The following DCDC2B variants were observed in gnomAD, a reference collection of about 807,000 sequenced individuals.
DCDC2B encodes doublecortin domain containing 2B.
Under a neutral mutation model 38.9 loss-of-function variants are expected in DCDC2B, and 41 were observed. The observed-to-expected ratio is 1.05, with a 90% CI of 0.82 to 1.37. The LOEUF is 1.37. DCDC2B is among the 40% of genes most tolerant of loss of function. The probability of loss-of-function intolerance (pLI) is 0.00; values close to 1 mark genes in which losing one functional copy is unlikely to be tolerated. For synonymous variants in DCDC2B, 181 were observed against 171.9 expected (o/e 1.05, Z -0.41); for missense variants, 453 against 427.2 (o/e 1.06, Z -0.53).
chr1:32,211,908 T>G, intron 3 of DCDC2B, 71 bp downstream of exon 3: 1 of 1,554,426 alleles, frequency 6.4e-7, no homozygotes, highest in Non-Finnish European at 8.7e-7. Flanking sequence ...GGTGTTGGGT[T>G]TGTTCTAGGA....
intron 1 of DCDC2B, 147 bp downstream of exon 1, chr1:32,209,506 G>A: frequency 8.7e-7 from 1 of 1,149,216 alleles, no homozygotes; most frequent in Non-Finnish European, 1.2e-6. Flanking sequence ...ATTAGAAAGG[G>A]AAAACAGACA....
At chr1:32,214,196 C>T (rs2124211867) in intron 6 of DCDC2B, among the ~76,000 whole-genome samples, 1 of 151,214 alleles carries the variant, frequency 6.6e-6, no homozygotes. Flanking sequence ...CTTGTAGTCC[C>T]AGCTACTTGG....
chr1:32,214,767 C>T, intron 6 of DCDC2B, 30 bp from the exon 7 acceptor site: 1 of 1,612,616 alleles, frequency 6.2e-7, no homozygotes, highest in African/African-American at 1.3e-5. Flanking sequence ...GGCCAGCAAT[C>T]AGGGTCCAAG....
At chr1:32,214,725 A>G (rs1052673290) in intron 6 of DCDC2B, 72 bp from the exon 7 acceptor site, 2 of 1,590,980 alleles carry the variant, frequency 1.3e-6, no homozygotes, top group Non-Finnish European at 1.7e-6. Context: ...GGCTCTCTGA[A>G]GCCTGAACTG....
At chr1:32,209,576 G>A (rs997011266) in intron 1 of DCDC2B, among the ~76,000 whole-genome samples, 2 of 152,114 alleles carry the variant, frequency 1.3e-5, no homozygotes, top group African/African-American at 4.8e-5. Context: ...AGAATTCTGT[G>A]TGTTACTAAT....
rs925050673 is a variant in DCDC2B at position 32,215,046 on chromosome 1, G to A, written c.850+114G>A. 19 of 1,404,136 alleles carry A rather than the reference G, an allele frequency of 1.4e-5. No individual in the cohort carries two copies. The East Asian group carries it at 1.4e-4, about 11-fold the overall frequency. The allele number at this position is 1,404,136 out of a possible 1,614,324, so 87.0% of individuals were successfully genotyped here. On this transcript the variant is annotated intron_variant, in intron 7 of 8. Transcript: ENST00000409358. ...GAGCAGAATGCTCAGACACAAAGCC[G>A]GCACTGGAAAAAAAAAAAAAAGATA... is the stretch of plus-strand genomic sequence containing the variant.
At chr1:32,215,159 C>A in intron 7 of DCDC2B, 1 of 638,322 alleles carries the variant, frequency 1.6e-6, no homozygotes, top group Non-Finnish European at 2.6e-6. Context: ...TCTCCAGCTG[C>A]CCCCGTCTGT....
Position 32,209,138 on chromosome 1 carries a change from G to C in DCDC2B, c.45G>C (p.Arg15=). 1.2e-6 allele frequency: 2 copies of C among 1,613,928 alleles called. No homozygotes were observed. Among genetic ancestry groups the C allele is most frequent in the Non-Finnish European group, 1.7e-6 (2 of 1,179,848 alleles). ...SPAAKRVVVY[R]NGDPFFPGSQ... Reference sequence around the variant, plus strand: ...CAGCCAAGAGGGTAGTGGTGTACCGGAATGGGGACCCATTCTTCCCAGGCT... The same window carrying C: ...CAGCCAAGAGGGTAGTGGTGTACCGCAATGGGGACCCATTCTTCCCAGGCT... Residue 15 remains arginine, a synonymous_variant, in exon 1 of 9, where the codon CGG becomes CGC. Coordinates refer to ENST00000409358, the MANE Select transcript of DCDC2B (RefSeq NM_001099434.2).
At chr1:32,213,186 G>A (rs1407631380) in intron 6 of DCDC2B, among the ~76,000 whole-genome samples, 1 of 150,606 alleles carries the variant, frequency 6.6e-6, no homozygotes, top group Non-Finnish European at 1.5e-5. Context: ...GTGAGCCACC[G>A]TGCCCGGCCT....
chr1:32,214,630 C>A, intron 6 of DCDC2B, 167 bp from the exon 7 acceptor site: 1 of 925,822 alleles, frequency 1.1e-6, no homozygotes, highest in Non-Finnish European at 1.6e-6. Flanking sequence ...ATAAGTCAGG[C>A]TGGTGGGAAG....
chr1:32,214,987 G>C (rs1638258760), intron 7 of DCDC2B, 55 bp downstream of exon 7: 1 of 1,606,694 alleles, frequency 6.2e-7, no homozygotes, highest in African/African-American at 1.3e-5. Context: ...CAGTGACATA[G>C]GTTGGTCCCT....
chr1:32,209,264 C>T lies in DCDC2B; in HGVS notation c.171C>T (p.Tyr57=), dbSNP rs1173426353. Residue 57 remains tyrosine, a synonymous_variant, in exon 1 of 9, where the codon TAC becomes TAT. Coordinates refer to ENST00000409358, the MANE Select transcript of DCDC2B (RefSeq NM_001099434.2). ...VQAPLAVRAL[Y]TPCHGHPVTN... The stretch of plus-strand genomic sequence containing the variant: ...CCCCACTGGCTGTGCGTGCCCTCTA[C>T]ACACCTTGTCATGGCCACCCTGTCA... 49 of 1,613,914 alleles carry T rather than the reference C, an allele frequency of 3.0e-5. No individual in the cohort carries two copies. Among genetic ancestry groups the T allele is most frequent in the Non-Finnish European group, 4.1e-5 (48 of 1,179,902 alleles).
chr1:32,216,136 A>G lies in DCDC2B; in HGVS notation c.*239A>G. ...CTTATGGGATTCTCTGGCCAGAGAA[A>G]GGAGTAGCTGACTAAGCCTGGGAGA... is the stretch of plus-strand genomic sequence containing the variant. On this transcript the variant is annotated 3_prime_UTR_variant, in exon 9 of 9. Transcript: ENST00000409358. The G allele has an allele frequency of 1.5e-6, 1 of 680,214 alleles. No individual in the cohort carries two copies. Among genetic ancestry groups the G allele is most frequent in the Non-Finnish European group, 2.4e-6 (1 of 410,910 alleles). The allele number at this position is 680,214 out of a possible 1,614,324, so 42.1% of individuals were successfully genotyped here. A position where few individuals can be genotyped will look rare whatever the true frequency, so the allele number is the denominator to read the frequency against.
Position 32,211,458 on chromosome 1 carries a change from A to G in DCDC2B, c.318+135A>G, listed in dbSNP as rs543709032. The G allele has an allele frequency of 1.1e-3, 1,000 of 888,686 alleles. 12 individuals are homozygous for G. Among genetic ancestry groups the G allele is most frequent in the Admixed American group, 2.0e-4 (8 of 40,322 alleles). 55.1% of individuals were successfully genotyped at this position (888,686 alleles called of 1,614,324 possible). A position where few individuals can be genotyped will look rare whatever the true frequency, so the allele number is the denominator to read the frequency against. ...GGGGGGTACTTTGGAGCCAGCTACTATCTTTCCTGGGGCGTGGGATTTCAA... is the reference window on the plus strand; with the variant it reads ...GGGGGGTACTTTGGAGCCAGCTACTGTCTTTCCTGGGGCGTGGGATTTCAA... On this transcript the variant is annotated intron_variant, in intron 2 of 8. Transcript: ENST00000409358.
intron 8 of DCDC2B, 81 bp downstream of exon 8, chr1:32,215,624 C>T (rs979085900): frequency 1.5e-6 from 2 of 1,316,104 alleles, no homozygotes; most frequent in African/African-American, 1.5e-5. Flanking sequence ...GCCCCAGGAA[C>T]AGTTCTCCTC....
At chr1:32,211,667 C>A in intron 2 of DCDC2B, 94 bp from the exon 3 acceptor site, 1 of 1,295,976 alleles carries the variant, frequency 7.7e-7, no homozygotes, top group Non-Finnish European at 1.1e-6. Context: ...CTGCCCCAGT[C>A]TGGTTCCGGC....
Position 32,209,145 on chromosome 1 carries a change from G to GA in DCDC2B, c.53dup (p.Asp18GlufsTer66), listed in dbSNP as rs747388452. ...GAGGGTAGTGGTGTACCGGAATGGG[G>GA]ACCCATTCTTCCCAGGCTCCCAGCT... On this transcript the variant is annotated frameshift_variant, in exon 1 of 9. Coordinates refer to ENST00000409358, the MANE Select transcript of DCDC2B (RefSeq NM_001099434.2). LOFTEE classifies it high-confidence loss of function. 6.2e-7 allele frequency: 1 copy of GA among 1,613,986 alleles called. No individual in the cohort carries two copies. Among genetic ancestry groups the GA allele is most frequent in the South Asian group, 1.1e-5 (1 of 91,080 alleles).
chr1:32,210,819 A>G (rs1643556137), intron 1 of DCDC2B, among the ~76,000 whole-genome samples: 1 of 152,010 alleles, frequency 6.6e-6, no homozygotes, highest in Non-Finnish European at 1.5e-5. Flanking sequence ...AGCTCACGCA[A>G]TCCTCCTGCC....
At chr1:32,213,205 C>CTTTTA (rs4012159) in intron 6 of DCDC2B, among the ~76,000 whole-genome samples, 20,450 of 151,376 alleles carry the variant, frequency 0.14, 1,876 homozygotes, top group South Asian at 0.25. Flanking sequence ...CTCCTTTTTT[C>CTTTTA]TTTTAAATAT....
Sources: gnomAD v4.1 joint callset for allele counts (sites outside exome capture counted in the v4.1 genomes callset) on GRCh38, gnomAD v4.1.1 for gene constraint, MANE v1.5 for transcripts, NCBI Gene and HGNC (gene_info 2026-07-23, HGNC 2026-07-21) for gene names.